C1orf87: variants seen among roughly 807,000 people sequenced by gnomAD.
C1orf87 encodes the protein uncharacterized protein C1orf87.
In C1orf87, 58 loss-of-function variants were observed where a neutral mutation model predicts 60.5. The observed-to-expected ratio is 0.96, with a 90% confidence interval of 0.78 to 1.19. The LOEUF is 1.19. C1orf87 is among the 50% of genes most tolerant of loss of function. The pLI is 0.00. For synonymous variants in C1orf87, 236 were observed against 227.4 expected, an observed-to-expected ratio of 1.04 and a Z score of -0.34; for missense variants, 673 against 638.6, an observed-to-expected ratio of 1.05 and a Z score of -0.58.
At chr1:60,068,866 G>T (rs934799502) in intron 2 of C1orf87, among the ~76,000 whole-genome samples, 1 of 152,030 alleles carries the variant, frequency 6.6e-6, no homozygotes, top group African/African-American at 2.4e-5. Flanking sequence ...CTGTCACGTG[G>T]CATGTTACTC....
intron 2 of C1orf87, among the ~76,000 whole-genome samples, chr1:60,068,524 A>T (rs1342848696): frequency 6.6e-6 from 1 of 152,158 alleles, no homozygotes; most frequent in Non-Finnish European, 1.5e-5. Context: ...TTGTTGGTGT[A>T]TCACCTATCT....
intron 8 of C1orf87, among the ~76,000 whole-genome samples, chr1:60,022,632 T>A (rs1645171519): frequency 6.6e-6 from 1 of 152,126 alleles, no homozygotes; most frequent in Non-Finnish European, 1.5e-5. Context: ...TTTCTGTAGA[T>A]CTTAGAAACC....
chr1:60,049,937 A>T (rs1040001673), intron 3 of C1orf87, among the ~76,000 whole-genome samples: 1 of 151,936 alleles, frequency 6.6e-6, no homozygotes, highest in African/African-American at 2.4e-5. Context: ...TTATTTCTGA[A>T]TTTTTCTTTT....
At chr1:60,024,707 C>A (rs935290796) in intron 8 of C1orf87, among the ~76,000 whole-genome samples, 2 of 152,164 alleles carry the variant, frequency 1.3e-5, no homozygotes, top group African/African-American at 4.8e-5. Flanking sequence ...CCTGAATTCC[C>A]CATTCCTATG....
At chr1:60,025,532 G>T in intron 7 of C1orf87, 34 bp from the exon 8 acceptor site, 1 of 1,453,210 alleles carries the variant, frequency 6.9e-7, no homozygotes. Flanking sequence ...AAGATTTGAT[G>T]TTTCACTAGG....
intron 3 of C1orf87, among the ~76,000 whole-genome samples, chr1:60,049,101 C>A (rs1645394296): frequency 6.6e-6 from 1 of 151,938 alleles, no homozygotes; most frequent in Admixed American, 6.6e-5. Flanking sequence ...GGATAGATTT[C>A]TCAAAGTGAG....
In C1orf87 at chr1:60,001,062, AC is replaced by A. The variant is rs1276840998; in HGVS notation, c.1272+14del. On this transcript the variant is annotated intron_variant, in intron 10 of 11. Coordinates refer to ENST00000371201, the MANE Select transcript of C1orf87 (RefSeq NM_152377.3). ...GAAAACCTTCCCCCAAACTCTATATACCCCAGGTGCATACCATATGTTCAGT... is the reference window on the plus strand; with the variant it reads ...GAAAACCTTCCCCCAAACTCTATATACCCAGGTGCATACCATATGTTCAGT... The A allele has an allele frequency of 6.3e-7, 1 of 1,598,466 alleles. No individual in the cohort carries two copies. The highest frequency in any genetic ancestry group is 1.1e-5 in the South Asian group (1 of 90,418).
intron 11 of C1orf87, 122 bp from the exon 12 acceptor site, chr1:59,990,955 A>G (rs1644917842): frequency 1.0e-6 from 1 of 958,090 alleles, no homozygotes. Context: ...TGCAATTTTA[A>G]GCTTCTTAAA....
intron 5 of C1orf87, 84 bp downstream of exon 5, chr1:60,039,833 G>A: frequency 7.0e-7 from 1 of 1,420,044 alleles, no homozygotes; most frequent in Non-Finnish European, 9.6e-7. Context: ...CAAGAAAGTA[G>A]CTAACTTCTT....
intron 3 of C1orf87, among the ~76,000 whole-genome samples, chr1:60,054,391 A>G (rs1472691018): frequency 1.3e-5 from 2 of 152,234 alleles, no homozygotes; most frequent in South Asian, 2.1e-4. Context: ...ATTTTCTCAT[A>G]TGACTAAAGA....
intron 2 of C1orf87, among the ~76,000 whole-genome samples, chr1:60,055,837 C>G (rs1380635428): frequency 1.3e-5 from 2 of 152,034 alleles, no homozygotes; most frequent in Admixed American, 1.3e-4. Flanking sequence ...TATGCCTCTC[C>G]CCTTGAGACT....
At chr1:60,028,873 T>C (rs925940112) in intron 7 of C1orf87, among the ~76,000 whole-genome samples, 1 of 152,168 alleles carries the variant, frequency 6.6e-6, no homozygotes, top group African/African-American at 2.4e-5. Flanking sequence ...TCTCCTTTGA[T>C]TGTTTTGAAT....
At chr1:60,025,659 C>A (rs540433907) in intron 7 of C1orf87, among the ~76,000 whole-genome samples, 161 bp from the exon 8 acceptor site, 1 of 152,254 alleles carries the variant, frequency 6.6e-6, no homozygotes, top group East Asian at 1.9e-4. Flanking sequence ...AGGTATCCTT[C>A]AGGATACCAT....
Position 60,046,025 on chromosome 1 carries a change from C to A in C1orf87, c.343-4894G>T, listed in dbSNP as rs551634479. ...TAGTTTGTATATTCAAAATATGAAC[C>A]ATATATTGCAATAGGTTAATATCTC... On this transcript the variant is annotated intron_variant, in intron 3 of 11. Coordinates refer to ENST00000371201, the MANE Select transcript of C1orf87 (RefSeq NM_152377.3). 8.5e-5 allele frequency among the ~76,000 whole-genome samples: 13 copies of A among 152,204 alleles called. No homozygotes were observed. The East Asian group carries it at 2.3e-3, about 27-fold the overall frequency.
intron 3 of C1orf87, among the ~76,000 whole-genome samples, chr1:60,049,141 T>A (rs1645394539): frequency 6.6e-6 from 1 of 152,134 alleles, no homozygotes; most frequent in Admixed American, 6.6e-5. Flanking sequence ...TAGATGTAGT[T>A]CTGCTAATTA....
chr1:60,053,703 T>C (rs1645431624), intron 3 of C1orf87, among the ~76,000 whole-genome samples: 1 of 152,202 alleles, frequency 6.6e-6, no homozygotes, highest in Non-Finnish European at 1.5e-5. Context: ...TTTTCTTTAG[T>C]TGATATTTTT....
At chr1:60,040,853 A>C (rs1265071414) in intron 4 of C1orf87, 138 bp downstream of exon 4, 22 of 918,580 alleles carry the variant, frequency 2.4e-5, no homozygotes, top group Non-Finnish European at 3.2e-5. Context: ...TTGGCTTCTC[A>C]AAGTGCTGGC....
intron 7 of C1orf87, among the ~76,000 whole-genome samples, chr1:60,031,089 C>T (rs1408507248): frequency 6.6e-6 from 1 of 151,894 alleles, no homozygotes; most frequent in Non-Finnish European, 1.5e-5. Context: ...TCTTCTGCAC[C>T]CAAAGGAAAT....
At chr1:60,025,162 A>G (rs376920786) in intron 8 of C1orf87, among the ~76,000 whole-genome samples, 2 of 152,344 alleles carry the variant, frequency 1.3e-5, no homozygotes, top group East Asian at 1.9e-4. Context: ...TTCCTGACTT[A>G]CAGATGGCTA....
Sources: gnomAD v4.1 joint callset for allele counts (sites outside exome capture counted in the v4.1 genomes callset) on GRCh38, gnomAD v4.1.1 for gene constraint, MANE v1.5 for transcripts, NCBI Gene and HGNC (gene_info 2026-07-23, HGNC 2026-07-21) for gene names.